The following GARNL3 variants were observed in gnomAD, a reference collection of about 807,000 sequenced individuals.
The protein encoded by GARNL3 is GTPase activating Rap/RanGAP domain like 3, also known as GTPase-activating Rap/Ran-GAP domain-like protein 3.
Under a neutral mutation model 125.0 loss-of-function variants are expected in GARNL3, and 63 were observed. The observed-to-expected ratio is 0.50, with a 90% confidence interval of 0.41 to 0.62. GARNL3 has a LOEUF of 0.62. Ranked by LOEUF, GARNL3 falls within the 20% of genes least tolerant of loss-of-function variation. The pLI is 0.00. For missense variants in GARNL3, 994 were observed against 1,244.0 expected (o/e 0.80, Z 3.02); for synonymous variants, 439 against 457.5 (o/e 0.96, Z 0.52).
At chr9:127,295,772 C>T (rs2064570657) in intron 2 of GARNL3, among the ~76,000 whole-genome samples, 1 of 152,052 alleles carries the variant, frequency 6.6e-6, no homozygotes, top group Non-Finnish European at 1.5e-5. Flanking sequence ...CATCAGTCCC[C>T]AACCTTTTTA....
intron 2 of GARNL3, among the ~76,000 whole-genome samples, chr9:127,309,467 C>T (rs62578830): frequency 0.13 from 20,435 of 152,132 alleles, 1,762 homozygotes; most frequent in East Asian, 0.21. Flanking sequence ...GAGAGCTTCC[C>T]GTTTCATTTT....
At chr9:127,322,628 T>C (rs1007566612) in intron 6 of GARNL3, among the ~76,000 whole-genome samples, 3 of 152,092 alleles carry the variant, frequency 2.0e-5, no homozygotes, top group African/African-American at 7.2e-5. Flanking sequence ...AGATGCAGGG[T>C]GAAGGCTGTC....
chr9:127,350,223 A>G (rs191618509), intron 17 of GARNL3, among the ~76,000 whole-genome samples: 15 of 152,330 alleles, frequency 9.8e-5, no homozygotes, highest in African/African-American at 3.1e-4. Flanking sequence ...AAATGATTGG[A>G]AACTGTGATC....
intron 2 of GARNL3, among the ~76,000 whole-genome samples, chr9:127,252,388 A>T (rs1166641759): frequency 6.6e-6 from 1 of 152,208 alleles, no homozygotes; most frequent in Non-Finnish European, 1.5e-5. Context: ...AGAAGCATGG[A>T]TACACAGCCT....
intron 23 of GARNL3, 93 bp downstream of exon 23, chr9:127,383,638 T>G: frequency 1.4e-6 from 1 of 731,112 alleles, no homozygotes; most frequent in East Asian, 2.7e-5. Flanking sequence ...ACTGGCTTAC[T>G]GCGAAATTGC....
intron 1 of GARNL3, 25 bp downstream of exon 1, chr9:127,265,046 G>A (rs1467700005): frequency 1.9e-6 from 3 of 1,591,336 alleles, no homozygotes; most frequent in Admixed American, 1.7e-5. Context: ...TCTGTTCAGT[G>A]GTAGTACATT....
intron 5 of GARNL3, among the ~76,000 whole-genome samples, chr9:127,318,897 A>G (rs1033593150): frequency 6.6e-6 from 1 of 152,202 alleles, no homozygotes. Context: ...CAGGAATTGG[A>G]GCCTCAGAGA....
At chr9:127,291,999 T>C (rs2064435810) in intron 2 of GARNL3, among the ~76,000 whole-genome samples, 2 of 152,158 alleles carry the variant, frequency 1.3e-5, no homozygotes, top group African/African-American at 4.8e-5. Context: ...CCTAGCACTA[T>C]GCCTGGCACA....
At chr9:127,345,851 C>T (rs565101043) in intron 16 of GARNL3, among the ~76,000 whole-genome samples, 5 of 152,364 alleles carry the variant, frequency 3.3e-5, no homozygotes, top group South Asian at 2.1e-4. Flanking sequence ...CAAACTTGCA[C>T]GTGGTTCCTG....
At chr9:127,229,849 C>G (rs2062972330) in intron 1 of GARNL3, among the ~76,000 whole-genome samples, 1 of 152,214 alleles carries the variant, frequency 6.6e-6, no homozygotes, top group African/African-American at 2.4e-5. Context: ...CCATATTTAC[C>G]TAAGCATCTT....
chr9:127,387,709 C>T (rs1001238707), intron 25 of GARNL3, among the ~76,000 whole-genome samples: 1 of 148,180 alleles, frequency 6.7e-6, no homozygotes, highest in African/African-American at 2.5e-5. Context: ...CGCCATTGCA[C>T]TCCAGCCTGG....
chr9:127,318,762 A>G (rs1239451402), intron 5 of GARNL3, among the ~76,000 whole-genome samples: 1 of 152,164 alleles, frequency 6.6e-6, no homozygotes, highest in African/African-American at 2.4e-5. Flanking sequence ...TTACCAGCTA[A>G]GATGTTACAT....
chr9:127,244,958 C>G (rs560709903), intron 2 of GARNL3, among the ~76,000 whole-genome samples: 43 of 152,344 alleles, frequency 2.8e-4, no homozygotes, highest in African/African-American at 1.0e-3. Context: ...ACCCGGTAGT[C>G]TCGCGGGTCC....
chr9:127,352,807 A>T (rs1253827065), intron 17 of GARNL3, among the ~76,000 whole-genome samples: 2 of 152,166 alleles, frequency 1.3e-5, no homozygotes, highest in Non-Finnish European at 2.9e-5. Context: ...AACCACACTT[A>T]GATTTCTGGA....
intron 2 of GARNL3, among the ~76,000 whole-genome samples, chr9:127,254,356 T>C (rs2063458642): frequency 6.6e-6 from 1 of 152,216 alleles, no homozygotes; most frequent in Admixed American, 6.5e-5. Context: ...TGAAAATGTC[T>C]GCATTAGAAT....
At chr9:127,391,716 A>C (rs1233752841) in intron 27 of GARNL3, among the ~76,000 whole-genome samples, 1 of 150,638 alleles carries the variant, frequency 6.6e-6, no homozygotes, top group Non-Finnish European at 1.5e-5. Context: ...AAAAAAAAAA[A>C]AACACTTAGT....
chr9:127,368,664 G>A (rs1210788057), intron 22 of GARNL3, among the ~76,000 whole-genome samples: 1 of 151,206 alleles, frequency 6.6e-6, no homozygotes, highest in Non-Finnish European at 1.5e-5. Flanking sequence ...GCCAAGTGCA[G>A]TGGCTCACGC....
At chr9:127,335,418 C>A in intron 10 of GARNL3, 85 bp downstream of exon 10, 1 of 1,091,402 alleles carries the variant, frequency 9.2e-7, no homozygotes, top group Non-Finnish European at 1.4e-6. Flanking sequence ...GGGGCTATGC[C>A]GGTTAACATA....
At position 127,392,346 on chromosome 9, in the gene GARNL3, G is replaced by C. The variant is rs901311840; in HGVS notation, c.2871-737G>C. 2.0e-5 allele frequency among the ~76,000 whole-genome samples: 3 copies of C among 152,274 alleles called. No homozygotes were observed. The highest frequency in any genetic ancestry group is 7.2e-5 in the African/African-American group (3 of 41,468). ...GGCTGGCACATAGAAGGTCTACTCT[G>C]AGAGAGGGGTCAAGGAAAGCTTTTT... On this transcript the variant is annotated intron_variant, in intron 27 of 27. Transcript: ENST00000373387. The surrounding 1 kb of genome is among the most constrained non-coding windows in gnomAD (Gnocchi z 5.2).
Sources: gnomAD v4.1 joint callset for allele counts (sites outside exome capture counted in the v4.1 genomes callset) on GRCh38, gnomAD v4.1.1 for gene constraint, Gnocchi (gnomAD v3.1) non-coding constraint, MANE v1.5 for transcripts, NCBI Gene and HGNC (gene_info 2026-07-23, HGNC 2026-07-21) for gene names.